Variants in HFM1 observed in about 807,000 individuals in gnomAD.
HFM1 encodes helicase for meiosis 1, also known as probable ATP-dependent DNA helicase HFM1.
HFM1 carries 169 observed loss-of-function variants against 192.1 expected under a neutral mutation model. The ratio of observed to expected loss-of-function variants is 0.88; its 90% CI spans 0.78 to 1.00. HFM1 has a LOEUF of 1.00. Among genes scored for constraint, HFM1 ranks in the 50% least tolerant of loss-of-function variants. The pLI is 0.00. For missense variants in HFM1, 1,661 were observed against 1,668.0 expected (o/e 1.00, Z 0.07); for synonymous variants, 525 against 537.8 (o/e 0.98, Z 0.33).
intron 7 of HFM1, 30 bp downstream of exon 7, chr1:91,380,882 A>G (rs754948647): frequency 5.5e-5 from 58 of 1,058,602 alleles, no homozygotes; most frequent in Non-Finnish European, 7.0e-5. Context: ...TGAAAGGTAG[A>G]AAAATAAATA....
At chr1:91,323,405 T>C (rs1223108351) in intron 21 of HFM1, among the ~76,000 whole-genome samples, 1 of 152,150 alleles carries the variant, frequency 6.6e-6, no homozygotes, top group Non-Finnish European at 1.5e-5. Context: ...TCCTATTATA[T>C]ACCAGACACT....
At chr1:91,264,619 C>T (rs1466515420) in intron 36 of HFM1, among the ~76,000 whole-genome samples, 5 of 151,244 alleles carry the variant, frequency 3.3e-5, no homozygotes, top group East Asian at 1.9e-4. Flanking sequence ...GTGATCCGCC[C>T]GCCTCGGCCT....
intron 35 of HFM1, among the ~76,000 whole-genome samples, chr1:91,266,877 A>G (rs1557749837): frequency 1.3e-5 from 2 of 152,212 alleles, no homozygotes; most frequent in Admixed American, 1.3e-4. Context: ...AAGGTGGTCA[A>G]ATCCTGTTCT....
At chr1:91,269,964 C>T (rs1193781409) in intron 34 of HFM1, among the ~76,000 whole-genome samples, 2 of 152,194 alleles carry the variant, frequency 1.3e-5, no homozygotes, top group South Asian at 2.1e-4. Flanking sequence ...TGCTAGATCA[C>T]GTTGAAGCTT....
At position 91,260,793 on chromosome 1, in the gene HFM1, CTCAAAGTTAGATAACAGTAGGTTCAAA is replaced by C. The variant is rs1665096193; in HGVS notation, c.*470_*496del. 1 of 151,998 alleles carries C rather than the reference CTCAAAGTTAGATAACAGTAGGTTCAAA, an allele frequency of 6.6e-6. No individual in the cohort carries two copies. Among genetic ancestry groups the C allele is most frequent in the Admixed American group, 6.6e-5 (1 of 15,262 alleles). The allele number at this position is 151,998 out of a possible 1,614,324, so 9.4% of individuals were successfully genotyped here. On this transcript the variant is annotated 3_prime_UTR_variant, in exon 39 of 39. Transcript: ENST00000370425. Reference sequence around the variant, plus strand: ...CTGATTAATGTTTCATTTATTGTTGCTCAAAGTTAGATAACAGTAGGTTCAAATAGCCACTGGATTCTTAAAAATCTT... The same window carrying C: ...CTGATTAATGTTTCATTTATTGTTGCTAGCCACTGGATTCTTAAAAATCTT...
At position 91,353,266 on chromosome 1, in the gene HFM1, T is replaced by C; in HGVS notation, c.1719A>G (p.Ser573=). ...LQKYAYSVRD[S]KLRDILKDGA... ...TATCTCTAAACCTACCTCTCAGTTTTGAATCTCTTACGGAATATGCATACT... is the reference window on the plus strand; with the variant it reads ...TATCTCTAAACCTACCTCTCAGTTTCGAATCTCTTACGGAATATGCATACT... The change falls in exon 14 of 39, where the codon TCA becomes TCG. Residue 573 remains serine, a synonymous_variant. Transcript: ENST00000370425. 1 of 1,586,080 alleles carries C rather than the reference T, an allele frequency of 6.3e-7. No homozygotes were observed. Among genetic ancestry groups the C allele is most frequent in the South Asian group, 1.1e-5 (1 of 89,708 alleles).
intron 18 of HFM1, among the ~76,000 whole-genome samples, chr1:91,348,101 C>T (rs1173337672): frequency 2.6e-5 from 4 of 152,014 alleles, no homozygotes; most frequent in African/African-American, 9.7e-5. Flanking sequence ...ATATCTTAAT[C>T]TGGGCTGTGG....
chr1:91,335,998 T>G (rs1373170605), intron 20 of HFM1, among the ~76,000 whole-genome samples: 1 of 149,770 alleles, frequency 6.7e-6, no homozygotes, highest in East Asian at 2.0e-4. Flanking sequence ...CCTTGTAAGC[T>G]AAGATCCTCC....
At position 91,380,214 on chromosome 1, in the gene HFM1, A is replaced by G; in HGVS notation, c.896T>C (p.Phe299Ser). 6.3e-7 allele frequency: 1 copy of G among 1,580,852 alleles called. No homozygotes were observed. Residue 299 changes from phenylalanine (F) to serine (S), a missense_variant, in exon 8 of 39, where the codon TTT becomes TCT. Transcript: ENST00000370425. ...FDDLLYTDRN[F>S]VICAPTGSGK... Reference sequence around the variant, plus strand: ...AGAACCAGTTGGAGCACAAATCACAAAATTCCTATCTGTGTAAAGAAGCTA... The same window carrying G: ...AGAACCAGTTGGAGCACAAATCACAGAATTCCTATCTGTGTAAAGAAGCTA...
In HFM1 at chr1:91,277,686, T is replaced by C. The variant is rs868493902; in HGVS notation, c.3392-624A>G. 1.0e-4 allele frequency among the ~76,000 whole-genome samples: 13 copies of C among 129,634 alleles called. No individual in the cohort carries two copies. The South Asian group carries it at 2.8e-3, about 28-fold the overall frequency. The allele number at this position is 129,634 out of a possible 152,430, so 85.0% of individuals were successfully genotyped here. A position where few individuals can be genotyped will look rare whatever the true frequency, so the allele number is the denominator to read the frequency against. On this transcript the variant is annotated intron_variant, in intron 30 of 38. Transcript: ENST00000370425. ...TATATAATATATACACTATATATAATATATACTAATATATATTATATATAC... is the reference window on the plus strand; with the variant it reads ...TATATAATATATACACTATATATAACATATACTAATATATATTATATATAC...
chr1:91,292,119 G>A (rs988738266), intron 30 of HFM1, among the ~76,000 whole-genome samples: 1 of 151,664 alleles, frequency 6.6e-6, no homozygotes, highest in Non-Finnish European at 1.5e-5. Flanking sequence ...AAAACTGGAA[G>A]CATTCCCTTT....
intron 30 of HFM1, among the ~76,000 whole-genome samples, chr1:91,289,880 G>C (rs945409041): frequency 6.6e-6 from 1 of 151,998 alleles, no homozygotes; most frequent in East Asian, 1.9e-4. Context: ...AGAGGGAGAG[G>C]GAGAGGGAGA....
intron 4 of HFM1, 97 bp downstream of exon 4, chr1:91,393,996 T>G (rs190167226): frequency 2.1e-5 from 14 of 677,386 alleles, no homozygotes; most frequent in Non-Finnish European, 2.3e-6. Context: ...AATTTTGCTG[T>G]TTTTCTCATT....
intron 10 of HFM1, 29 bp from the exon 11 acceptor site, chr1:91,378,212 A>C: frequency 6.6e-7 from 1 of 1,510,534 alleles, no homozygotes; most frequent in Non-Finnish European, 9.0e-7. Flanking sequence ...AAAAATCATT[A>C]GCTATAGAAT....
At chr1:91,397,349 A>G (rs968330429) in intron 2 of HFM1, among the ~76,000 whole-genome samples, 1 of 152,176 alleles carries the variant, frequency 6.6e-6, no homozygotes, top group South Asian at 2.1e-4. Flanking sequence ...GTTAACTGAT[A>G]CTGCTTTAAT....
chr1:91,355,112 G>C (rs1009635403), intron 13 of HFM1, among the ~76,000 whole-genome samples: 14 of 152,038 alleles, frequency 9.2e-5, no homozygotes, highest in African/African-American at 3.4e-4. Flanking sequence ...CAAAAATCTA[G>C]AGTAGTTGTA....
At chr1:91,268,169 G>T (rs900553219) in intron 34 of HFM1, among the ~76,000 whole-genome samples, 3 of 152,000 alleles carry the variant, frequency 2.0e-5, no homozygotes, top group Admixed American at 6.6e-5. Flanking sequence ...GTATAAAGTT[G>T]CACTAAATTT....
At chr1:91,366,663 G>C (rs899462176) in intron 13 of HFM1, among the ~76,000 whole-genome samples, 2 of 152,124 alleles carry the variant, frequency 1.3e-5, no homozygotes, top group African/African-American at 4.8e-5. Context: ...GGACAAATAG[G>C]AACAGCTCCA....
At chr1:91,306,623 C>G (rs2101079631) in intron 30 of HFM1, among the ~76,000 whole-genome samples, 1 of 152,190 alleles carries the variant, frequency 6.6e-6, no homozygotes, top group Non-Finnish European at 1.5e-5. Context: ...GATCTATGTT[C>G]ATGAGATATG....
Sources: allele counts gnomAD v4.1 joint callset (sites outside exome capture counted in the v4.1 genomes callset), GRCh38; gene constraint gnomAD v4.1.1; transcripts MANE v1.5; gene names NCBI Gene and HGNC (gene_info 2026-07-23, HGNC 2026-07-21).